STOX2: variants seen among roughly 807,000 people sequenced by gnomAD.
The protein encoded by STOX2 is storkhead box 2, also known as storkhead-box protein 2.
A neutral mutation model predicts 60.9 loss-of-function variants in STOX2; 28 were observed. The ratio of observed to expected loss-of-function variants is 0.46; its 90% CI spans 0.34 to 0.63. The LOEUF (loss-of-function observed/expected upper bound fraction) is 0.63, where lower values mean the gene tolerates loss of function less well. Among genes scored for constraint, STOX2 ranks in the 30% least tolerant of loss-of-function variants. The pLI is 0.01. For missense variants in STOX2, 1,024 were observed against 1,187.7 expected (o/e 0.86, Z 2.03); for synonymous variants, 472 against 463.9 (o/e 1.02, Z -0.22).
chr4:183,904,769 G>T (rs1485079720), upstream of STOX2, among the ~76,000 whole-genome samples: 1 of 152,148 alleles, frequency 6.6e-6, no homozygotes, highest in African/African-American at 2.4e-5. Context: ...GCTCTGCCTG[G>T]TTCTTCAAGA....
At chr4:183,966,848 A>G (rs188019688) in intron 1 of STOX2, among the ~76,000 whole-genome samples, 2 of 152,342 alleles carry the variant, frequency 1.3e-5, no homozygotes, top group African/African-American at 4.8e-5. Flanking sequence ...TCCTTGATAG[A>G]ACTCGATCAA....
At chr4:183,844,086 AC>A (rs1560842124) in intron 1 of STOX2, among the ~76,000 whole-genome samples, 1 of 152,224 alleles carries the variant, frequency 6.6e-6, no homozygotes, top group Non-Finnish European at 1.5e-5. Context: ...TCTTAAAAAA[AC>A]AAAATTATTA....
At chr4:183,953,371 C>A (rs1276505280) in intron 1 of STOX2, among the ~76,000 whole-genome samples, 1 of 152,120 alleles carries the variant, frequency 6.6e-6, no homozygotes, top group Non-Finnish European at 1.5e-5. Flanking sequence ...TAGCCCCACA[C>A]CTGGTTGCCC....
chr4:183,879,261 C>G (rs1401439460), intron 1 of STOX2, among the ~76,000 whole-genome samples: 2 of 152,174 alleles, frequency 1.3e-5, no homozygotes, highest in Non-Finnish European at 2.9e-5. Context: ...TCTCATCCTT[C>G]TTCACCTCCA....
chr4:183,950,975 G>A (rs927265589), intron 1 of STOX2, among the ~76,000 whole-genome samples: 2 of 152,108 alleles, frequency 1.3e-5, no homozygotes, highest in African/African-American at 2.4e-5. Flanking sequence ...CAGCACTTTG[G>A]GAGGCCGAGG....
In STOX2 at chr4:184,023,095, T is replaced by C. The variant is rs1175355517; in HGVS notation, c.*5811T>C. 2 of 152,322 alleles carry C rather than the reference T, an allele frequency of 1.3e-5. No homozygotes were observed. The highest frequency in any genetic ancestry group is 6.5e-5 in the Admixed American group (1 of 15,298). The allele number at this position is 152,322 out of a possible 1,614,324, so 9.4% of individuals were successfully genotyped here. ...ATTAAGACGTGCAAGTGGGATTTACTGTATGTTAGAAAGGAGTTTTGCAGC... is the reference window on the plus strand; with the variant it reads ...ATTAAGACGTGCAAGTGGGATTTACCGTATGTTAGAAAGGAGTTTTGCAGC... On this transcript the variant is annotated 3_prime_UTR_variant, in exon 4 of 4. Transcript: ENST00000308497.
intron 1 of STOX2, among the ~76,000 whole-genome samples, chr4:183,811,721 G>A (rs1022393801): frequency 6.6e-6 from 1 of 152,102 alleles, no homozygotes; most frequent in African/African-American, 2.4e-5. Flanking sequence ...AATGTTTCCT[G>A]TGAAAAAAGT....
At chr4:183,911,454 C>T (rs762620918) in intron 1 of STOX2, among the ~76,000 whole-genome samples, 17 of 152,154 alleles carry the variant, frequency 1.1e-4, no homozygotes, top group Non-Finnish European at 2.5e-4. Flanking sequence ...TTTGAAACTA[C>T]CTATGTTGAC....
chr4:183,925,947 T>C (rs562481971), intron 1 of STOX2, among the ~76,000 whole-genome samples: 20 of 152,276 alleles, frequency 1.3e-4, no homozygotes, highest in Middle Eastern at 6.8e-3. Flanking sequence ...CAGTTATTTG[T>C]CCTAGCCAAA....
At chr4:183,851,149 T>G in intron 1 of STOX2, among the ~76,000 whole-genome samples, 1 of 37,836 alleles carries the variant, frequency 2.6e-5, no homozygotes, top group Non-Finnish European at 5.7e-5. Context: ...AGGGAAAGGA[T>G]GAGAGAAACG....
At chr4:183,928,623 G>T (rs947268481) in intron 1 of STOX2, among the ~76,000 whole-genome samples, 3 of 152,118 alleles carry the variant, frequency 2.0e-5, no homozygotes, top group Non-Finnish European at 4.4e-5. Context: ...ACCTGAATCA[G>T]TAACCCAGTG....
intron 3 of STOX2, chr4:184,016,496 A>T (rs1217533069): frequency 6.6e-6 from 1 of 152,228 alleles, no homozygotes; most frequent in South Asian, 2.1e-4. Context: ...TATCGAAAAT[A>T]TAATGTATTT....
chr4:183,827,349 T>A (rs1261485064), intron 1 of STOX2, among the ~76,000 whole-genome samples: 1 of 151,994 alleles, frequency 6.6e-6, no homozygotes, highest in Non-Finnish European at 1.5e-5. Context: ...ATGAGGAAAT[T>A]AGCTACGTGT....
intron 1 of STOX2, among the ~76,000 whole-genome samples, chr4:183,872,451 A>G (rs747026726): frequency 6.6e-6 from 1 of 152,226 alleles, no homozygotes; most frequent in African/African-American, 2.4e-5. Flanking sequence ...AGGAAGAATT[A>G]TAGCCAGATT....
Position 183,802,548 on chromosome 4 carries a change from C to CT in STOX2, c.364+4504dup, listed in dbSNP as rs1461047864. On this transcript the variant is annotated intron_variant, in intron 1 of 2. Coordinates refer to the STOX2 transcript ENST00000513034. ...ACCACTAAGCCTGGCTAATTTTTAA[C>CT]TTTTTTTTTTTGTAGAGACAGGGTC... is the stretch of plus-strand genomic sequence containing the variant. Among the ~76,000 whole-genome samples, 450 of 142,814 alleles carry CT rather than the reference C, an allele frequency of 3.2e-3. 3 individuals carry two copies. Among genetic ancestry groups the CT allele is most frequent in the South Asian group, 0.013 (59 of 4,498 alleles). The allele number at this position is 142,814 out of a possible 152,430, so 93.7% of individuals were successfully genotyped here. A position where few individuals can be genotyped will look rare whatever the true frequency, so the allele number is the denominator to read the frequency against.
intron 1 of STOX2, among the ~76,000 whole-genome samples, chr4:183,961,081 C>T (rs1743398127): frequency 6.6e-6 from 1 of 152,110 alleles, no homozygotes; most frequent in Non-Finnish European, 1.5e-5. Flanking sequence ...AATGTTTTAT[C>T]ACATTCATAA....
chr4:183,946,191 T>C (rs1158757133), intron 1 of STOX2, among the ~76,000 whole-genome samples: 1 of 150,240 alleles, frequency 6.7e-6, no homozygotes, highest in Non-Finnish European at 1.5e-5. Context: ...GATAGCATCA[T>C]GGTTAAAATG....
At chr4:183,859,031 A>G (rs80201089) in intron 1 of STOX2, among the ~76,000 whole-genome samples, 2,925 of 152,210 alleles carry the variant, frequency 0.019, 84 homozygotes, top group African/African-American at 0.067. Context: ...TTCCTCTTCT[A>G]TAGGAAAGGT....
At chr4:183,827,165 A>G (rs376062436) in intron 1 of STOX2, among the ~76,000 whole-genome samples, 3 of 152,140 alleles carry the variant, frequency 2.0e-5, no homozygotes, top group East Asian at 3.9e-4. Context: ...AATAAAAATA[A>G]CCCCTATTTT....
Sources: gnomAD v4.1 joint callset for allele counts (sites outside exome capture counted in the v4.1 genomes callset) on GRCh38, gnomAD v4.1.1 for gene constraint, MANE v1.5 for transcripts, NCBI Gene and HGNC (gene_info 2026-07-23, HGNC 2026-07-21) for gene names.